WDFY3: variants seen among roughly 807,000 people sequenced by gnomAD.
The protein encoded by WDFY3 is WD repeat and FYVE domain containing 3.
In WDFY3, 66 loss-of-function variants were observed where a neutral mutation model predicts 409.6. The observed-to-expected ratio is 0.16, with a 90% confidence interval of 0.13 to 0.20. The LOEUF is 0.20. Ranked by LOEUF, WDFY3 falls within the 10% of genes least tolerant of loss-of-function variation. The pLI is 1.00. For missense variants in WDFY3, 3,031 were observed against 4,298.1 expected (o/e 0.71, Z 8.24); for synonymous variants, 1,521 against 1,537.1 (o/e 0.99, Z 0.25).
At chr4:84,844,643 A>G in intron 5 of WDFY3, 1 of 560,266 alleles carries the variant, frequency 1.8e-6, no homozygotes, top group Non-Finnish European at 2.8e-6. Flanking sequence ...GGATTGCACT[A>G]CTAGGTTTAA....
rs148705823 is a variant in WDFY3, at chr4:84,839,009, A to G, written c.415-1919T>C. 2.8e-3 allele frequency among the ~76,000 whole-genome samples: 424 copies of G among 152,322 alleles called. 1 individual carries two copies. The highest frequency in any genetic ancestry group is 4.0e-3 in the Non-Finnish European group (275 of 68,024). On this transcript the variant is annotated intron_variant, in intron 6 of 67. Coordinates refer to ENST00000295888, the MANE Select transcript of WDFY3 (RefSeq NM_014991.6). Reference sequence around the variant, plus strand: ...GCACTCAAACAAGGTAGCTCCAAACATAACACTGAATTTGCTTTTTAAATG... The same window carrying G: ...GCACTCAAACAAGGTAGCTCCAAACGTAACACTGAATTTGCTTTTTAAATG...
At chr4:84,693,092 T>C in intron 58 of WDFY3, 60 bp from the exon 59 acceptor site, 1 of 1,515,146 alleles carries the variant, frequency 6.6e-7, no homozygotes, top group South Asian at 1.2e-5. Context: ...AGCCCTTTTA[T>C]ATGCCAGGCA....
At chr4:84,833,375 A>G (rs1339301398) in intron 7 of WDFY3, among the ~76,000 whole-genome samples, 1 of 152,168 alleles carries the variant, frequency 6.6e-6, no homozygotes, top group Non-Finnish European at 1.5e-5. Context: ...TTGGTATTTC[A>G]GCATCAGTGG....
At position 84,810,184 on chromosome 4, in the gene WDFY3, T is replaced by TCA. The variant is rs759261760; in HGVS notation, c.2046_2047dup (p.Glu683ValfsTer11). On this transcript the variant is annotated frameshift_variant, in exon 14 of 68. Transcript: ENST00000295888. LOFTEE classifies it high-confidence loss of function. The stretch of plus-strand genomic sequence containing the variant: ...CGTGCAGAACACAGTGTGAAGAAGT[T>TCA]CAAACACTTGATTCTGGTTCACTTT... 6.2e-7 allele frequency: 1 copy of TCA among 1,614,096 alleles called. No homozygotes were observed. The highest frequency in any genetic ancestry group is 1.1e-5 in the South Asian group (1 of 91,086).
intron 25 of WDFY3, among the ~76,000 whole-genome samples, chr4:84,782,620 G>C (rs995017401): frequency 9.9e-5 from 15 of 152,200 alleles, no homozygotes; most frequent in African/African-American, 3.6e-4. Context: ...TCCCCGCTAT[G>C]AGTGAGACTA....
intron 4 of WDFY3, among the ~76,000 whole-genome samples, chr4:84,856,715 GC>G (rs1235302212): frequency 3.3e-5 from 5 of 152,084 alleles, no homozygotes; most frequent in Non-Finnish European, 5.9e-5. Flanking sequence ...ACACTATTAA[GC>G]ACACTTTAAA....
chr4:84,744,388 C>A (rs1257900206), intron 36 of WDFY3, among the ~76,000 whole-genome samples: 1 of 151,848 alleles, frequency 6.6e-6, no homozygotes, highest in Non-Finnish European at 1.5e-5. Flanking sequence ...CAATTTAGCT[C>A]TGAGCTTCAT....
chr4:84,836,908 G>A, intron 7 of WDFY3, 21 bp downstream of exon 7: 1 of 1,479,406 alleles, frequency 6.8e-7, no homozygotes, highest in Non-Finnish European at 9.1e-7. Flanking sequence ...GGTGGAGGTA[G>A]GCAAATAGCA....
At chr4:84,725,207 A>C (rs761055830) in intron 45 of WDFY3, among the ~76,000 whole-genome samples, 1 of 152,234 alleles carries the variant, frequency 6.6e-6, no homozygotes, top group South Asian at 2.1e-4. Context: ...CACTCTGGTT[A>C]GCTTGCCACT....
chr4:84,711,723 C>T (rs1278964190), intron 51 of WDFY3, among the ~76,000 whole-genome samples: 1 of 151,672 alleles, frequency 6.6e-6, no homozygotes, highest in Admixed American at 6.6e-5. Flanking sequence ...TGGTGGCGCG[C>T]ACCTGTAGTC....
rs151028216 is a variant in WDFY3 at position 84,833,693 on chromosome 4, G to A, written c.577-2088C>T. Among the ~76,000 whole-genome samples the A allele has an allele frequency of 6.6e-3, 809 of 122,044 alleles. 8 individuals carry two copies. Among genetic ancestry groups the A allele is most frequent in the African/African-American group, 0.019 (560 of 28,994 alleles). 80.1% of individuals were successfully genotyped at this position (122,044 alleles called of 152,430 possible). A position where few individuals can be genotyped will look rare whatever the true frequency, so the allele number is the denominator to read the frequency against. ...AAAGAAAAGAAAAGAAAAGAAAAGA[G>A]AAGAGAAGAGAAGAGAACAGAACAG... On this transcript the variant is annotated intron_variant, in intron 7 of 67. Coordinates refer to ENST00000295888, the MANE Select transcript of WDFY3 (RefSeq NM_014991.6).
At chr4:84,736,936 T>C (rs559884381) in intron 41 of WDFY3, among the ~76,000 whole-genome samples, 1 of 151,016 alleles carries the variant, frequency 6.6e-6, no homozygotes, top group South Asian at 2.1e-4. Flanking sequence ...CTAGAGCTGT[T>C]AGCAATGCAT....
rs375780380 is a variant in WDFY3 at position 84,751,573 on chromosome 4, G to A, written c.5883C>T (p.Phe1961=). ...TYLTNHPAKK[F]VFDFMRVLII... ...TTAAGACCCGCATGAAGTCAAAAACGAACTTTTTAGCCGGGTGATTGGTCA... is the reference window on the plus strand; with the variant it reads ...TTAAGACCCGCATGAAGTCAAAAACAAACTTTTTAGCCGGGTGATTGGTCA... The change falls in exon 36 of 68, where the codon TTC becomes TTT. Residue 1961 remains phenylalanine (F), a synonymous_variant. Coordinates refer to ENST00000295888, the MANE Select transcript of WDFY3 (RefSeq NM_014991.6). The A allele has an allele frequency of 9.9e-6, 16 of 1,613,990 alleles. No homozygotes were observed. In the East Asian group the frequency reaches 1.3e-4, roughly 13 times the overall value.
intron 2 of WDFY3, among the ~76,000 whole-genome samples, chr4:84,916,964 GATAT>G (rs1768572990): frequency 2.0e-5 from 3 of 152,070 alleles, no homozygotes; most frequent in African/African-American, 7.2e-5. Context: ...GAGATGAATA[GATAT>G]ATATTTTATA....
At chr4:84,868,706 G>T (rs549551653) in intron 3 of WDFY3, among the ~76,000 whole-genome samples, 1 of 152,162 alleles carries the variant, frequency 6.6e-6, no homozygotes, top group Non-Finnish European at 1.5e-5. Flanking sequence ...AGCAACTGTT[G>T]AAATCTCCCT....
intron 24 of WDFY3, among the ~76,000 whole-genome samples, chr4:84,785,749 AAATT>A (rs1747442780): frequency 1.3e-5 from 2 of 152,350 alleles, no homozygotes; most frequent in South Asian, 2.1e-4. Flanking sequence ...CAATATAAAT[AAATT>A]AATATGAATT....
intron 2 of WDFY3, among the ~76,000 whole-genome samples, chr4:84,904,263 G>T (rs961056171): frequency 6.6e-6 from 1 of 151,954 alleles, no homozygotes; most frequent in African/African-American, 2.4e-5. Flanking sequence ...TATTTGAGAC[G>T]GAGTTTCGCT....
intron 1 of WDFY3, among the ~76,000 whole-genome samples, chr4:84,947,987 C>T (rs1388253959): frequency 2.6e-5 from 4 of 152,194 alleles, no homozygotes; most frequent in African/African-American, 9.7e-5. Flanking sequence ...ATCCATCATT[C>T]CATTCCCAGT....
At chr4:84,875,263 AACACACACACACACAC>A (rs58589086) in intron 3 of WDFY3, among the ~76,000 whole-genome samples, 35 of 137,578 alleles carry the variant, frequency 2.5e-4, no homozygotes, top group Admixed American at 1.0e-3. Context: ...GCAAGACTCA[AACACACACACACACAC>A]ACACACACAC....
Sources: allele counts gnomAD v4.1 joint callset (sites outside exome capture counted in the v4.1 genomes callset), GRCh38; gene constraint gnomAD v4.1.1; transcripts MANE v1.5; gene names NCBI Gene and HGNC (gene_info 2026-07-23, HGNC 2026-07-21).